XPO4: variants seen among roughly 807,000 people sequenced by gnomAD.
The protein encoded by XPO4 is exportin-4.
In XPO4, 39 loss-of-function variants were observed where a neutral mutation model predicts 143.0. The ratio of observed to expected loss-of-function variants is 0.27; its 90% CI spans 0.21 to 0.36. The LOEUF (loss-of-function observed/expected upper bound fraction) is 0.36. Ranked by LOEUF, XPO4 falls within the 10% of genes least tolerant of loss-of-function variation. The pLI is 1.00. For missense variants in XPO4, 907 were observed against 1,348.0 expected (o/e 0.67, Z 5.12); for synonymous variants, 439 against 474.0 (o/e 0.93, Z 0.96).
intron 1 of XPO4, among the ~76,000 whole-genome samples, chr13:20,898,789 T>C (rs2060592668): frequency 6.6e-6 from 1 of 151,906 alleles, no homozygotes; most frequent in Non-Finnish European, 1.5e-5. Flanking sequence ...CACTAAACTT[T>C]TCAATAATGT....
At chr13:20,815,837 T>C (rs992620227) in intron 9 of XPO4, among the ~76,000 whole-genome samples, 1 of 152,192 alleles carries the variant, frequency 6.6e-6, no homozygotes, top group African/African-American at 2.4e-5. Flanking sequence ...CTATCAGAGA[T>C]TGTAGAAGCT....
intron 9 of XPO4, among the ~76,000 whole-genome samples, chr13:20,816,220 C>T (rs2059649389): frequency 6.6e-6 from 1 of 151,982 alleles, no homozygotes; most frequent in Admixed American, 6.6e-5. Flanking sequence ...GACATATGAA[C>T]GATTAAAGAC....
At chr13:20,851,452 A>G (rs1402348071) in intron 4 of XPO4, 1 of 984,600 alleles carries the variant, frequency 1.0e-6, no homozygotes, top group Non-Finnish European at 1.2e-6. Context: ...TGGTTGGCTC[A>G]CACCTATAAT....
Position 20,866,248 on chromosome 13 carries a change from C to T in XPO4, c.175+2348G>A, listed in dbSNP as rs763092411. The T allele has an allele frequency of 4.1e-6, 4 of 984,992 alleles. No individual in the cohort carries two copies. The South Asian group carries it at 1.4e-4, about 35-fold the overall frequency. The allele number at this position is 984,992 out of a possible 1,614,324, so 61.0% of individuals were successfully genotyped here. A position where few individuals can be genotyped will look rare whatever the true frequency, so the allele number is the denominator to read the frequency against. On this transcript the variant is annotated intron_variant, in intron 2 of 22. Coordinates refer to ENST00000255305, the MANE Select transcript of XPO4 (RefSeq NM_022459.5). ...CATGCATGCACAGATACACCACACA[C>T]ACACACAGAAAAGAGCAAAGAAAAT...
intron 15 of XPO4, 121 bp from the exon 16 acceptor site, chr13:20,799,460 A>T: frequency 1.2e-6 from 1 of 840,490 alleles, no homozygotes; most frequent in Non-Finnish European, 1.7e-6. Context: ...GTTAAAGCAA[A>T]GTACAGTAAA....
intron 20 of XPO4, 65 bp downstream of exon 20, chr13:20,788,421 T>G: frequency 6.4e-7 from 1 of 1,554,512 alleles, no homozygotes; most frequent in Non-Finnish European, 8.6e-7. Context: ...CTTAAAAAAC[T>G]TTTCTTTAAA....
At chr13:20,790,207 T>C (rs562118517) in intron 19 of XPO4, among the ~76,000 whole-genome samples, 2 of 152,286 alleles carry the variant, frequency 1.3e-5, no homozygotes, top group Admixed American at 1.3e-4. Context: ...CTCCTTTCTG[T>C]AGCACTCCCT....
intron 1 of XPO4, among the ~76,000 whole-genome samples, chr13:20,889,969 T>C (rs1359426410): frequency 1.3e-5 from 2 of 152,228 alleles, no homozygotes; most frequent in African/African-American, 4.8e-5. Flanking sequence ...ACCAATATTG[T>C]GTGCCACCAA....
At chr13:20,816,540 T>C (rs186320164) in intron 9 of XPO4, among the ~76,000 whole-genome samples, 121 of 152,340 alleles carry the variant, frequency 7.9e-4, no homozygotes, top group African/African-American at 2.7e-3. Context: ...CCAAGAGAAA[T>C]GGATTTAGTA....
intron 18 of XPO4, among the ~76,000 whole-genome samples, chr13:20,793,295 C>T (rs4463942): frequency 0.32 from 48,793 of 152,084 alleles, 9,781 homozygotes; most frequent in East Asian, 0.8. Context: ...TTCAACCCTA[C>T]ATACTCGTTT....
At chr13:20,857,936 C>T (rs1415188517) in intron 3 of XPO4, 34 of 984,936 alleles carry the variant, frequency 3.5e-5, no homozygotes, top group Non-Finnish European at 4.1e-5. Flanking sequence ...AAATTCTGTG[C>T]ATGTAATGGG....
At chr13:20,878,712 C>T (rs1039894569) in intron 1 of XPO4, among the ~76,000 whole-genome samples, 3 of 152,042 alleles carry the variant, frequency 2.0e-5, no homozygotes, top group Admixed American at 1.3e-4. Flanking sequence ...AAAATGAGGT[C>T]GACGAGGCAG....
chr13:20,846,592 C>T (rs1320102529), intron 4 of XPO4, among the ~76,000 whole-genome samples: 1 of 152,112 alleles, frequency 6.6e-6, no homozygotes, highest in Non-Finnish European at 1.5e-5. Flanking sequence ...AGACTTAGCC[C>T]CCTGAACACG....
chr13:20,811,407 C>A (rs1262190767), intron 9 of XPO4, among the ~76,000 whole-genome samples: 12 of 151,528 alleles, frequency 7.9e-5, no homozygotes. Flanking sequence ...CCTGCCTCAG[C>A]CTCCTGAGTA....
chr13:20,855,062 AC>A lies in XPO4; in HGVS notation c.456+564del, dbSNP rs1213959864. On this transcript the variant is annotated intron_variant, in intron 4 of 22. Coordinates refer to ENST00000255305, the MANE Select transcript of XPO4 (RefSeq NM_022459.5). ...GCATATTAACTTATAATATTTTATA[AC>A]AATTAAAATAATGATTATGAATATT... is the stretch of plus-strand genomic sequence containing the variant. Among the ~76,000 whole-genome samples, 3 of 152,244 alleles carry A rather than the reference AC, an allele frequency of 2.0e-5. No homozygotes were observed. In the East Asian group the frequency reaches 5.8e-4, roughly 29 times the overall value.
intron 13 of XPO4, among the ~76,000 whole-genome samples, chr13:20,802,815 G>A (rs1231311610): frequency 6.6e-6 from 1 of 152,026 alleles, no homozygotes; most frequent in East Asian, 1.9e-4. Context: ...ATGACCATAA[G>A]ACCATTAAGT....
Position 20,800,908 on chromosome 13 carries a change from T to G in XPO4, c.1900A>C (p.Met634Leu). 1 of 1,614,068 alleles carries G rather than the reference T, an allele frequency of 6.2e-7. No homozygotes were observed. Among genetic ancestry groups the G allele is most frequent in the Non-Finnish European group, 8.5e-7 (1 of 1,179,970 alleles). The change falls in exon 14 of 23, where the codon ATG (methionine) becomes CTG (leucine). Residue 634 changes from methionine (M) to leucine (L), a missense_variant. Physicochemically the swap from Met to Leu is conservative, Grantham distance 15 (BLOSUM62 2). Coordinates refer to ENST00000255305, the MANE Select transcript of XPO4 (RefSeq NM_022459.5). ...ADLTHLLSPQ[M>L]GKDIVWFLKR... The stretch of plus-strand genomic sequence containing the variant: ...AAAAACCAAACAATATCTTTGCCCA[T>G]CTGGGGACTTAGTAGATGAGTGAGA...
intron 1 of XPO4, among the ~76,000 whole-genome samples, chr13:20,880,978 T>C (rs1247487578): frequency 6.8e-6 from 1 of 146,064 alleles, no homozygotes. Flanking sequence ...AAAAAAGGAA[T>C]GAAGTACTAA....
chr13:20,781,939 CA>C lies in XPO4; in HGVS notation c.*1782del, dbSNP rs1818028854. 6.6e-6 allele frequency: 1 copy of C among 151,824 alleles called. No individual in the cohort carries two copies. Among genetic ancestry groups the C allele is most frequent in the South Asian group, 2.1e-4 (1 of 4,820 alleles). 9.4% of individuals were successfully genotyped at this position (151,824 alleles called of 1,614,324 possible). ...ATGCATCAAAGTATTTTTTAAAATA[CA>C]GAAACGTGTACTTCTGGATGACTGA... On this transcript the variant is annotated 3_prime_UTR_variant, in exon 23 of 23. Coordinates refer to ENST00000255305, the MANE Select transcript of XPO4 (RefSeq NM_022459.5).
Sources: allele counts gnomAD v4.1 joint callset (sites outside exome capture counted in the v4.1 genomes callset), GRCh38; gene constraint gnomAD v4.1.1; transcripts MANE v1.5; gene names NCBI Gene and HGNC (gene_info 2026-07-23, HGNC 2026-07-21).